AOPEP: variants seen among roughly 807,000 people sequenced by gnomAD.
AOPEP encodes the protein aminopeptidase O.
Under a neutral mutation model 98.1 loss-of-function variants are expected in AOPEP, and 77 were observed. That is an observed-to-expected ratio of 0.78 (90% CI 0.65 to 0.95). The LOEUF is 0.95. Ranked by LOEUF, AOPEP falls within the 40% of genes least tolerant of loss-of-function variation. AOPEP has a pLI of 0.00. For synonymous variants in AOPEP, 346 were observed against 365.3 expected (o/e 0.95, Z 0.60); for missense variants, 1,024 against 1,024.7 (o/e 1.00, Z 0.01).
At chr9:94,763,206 A>G in intron 2 of AOPEP, 1 of 398,228 alleles carries the variant, frequency 2.5e-6, no homozygotes, top group Non-Finnish European at 5.2e-6. Context: ...TTTGAATTTG[A>G]TCTTCACGTC....
intron 5 of AOPEP, among the ~76,000 whole-genome samples, chr9:94,916,272 C>A (rs116659324): frequency 0.015 from 2,304 of 152,218 alleles, 62 homozygotes; most frequent in African/African-American, 0.052. Context: ...GGAGTGGAAT[C>A]ACATTTTGTC....
intron 3 of AOPEP, among the ~76,000 whole-genome samples, chr9:94,785,407 T>G (rs567794397): frequency 6.6e-6 from 1 of 152,314 alleles, no homozygotes; most frequent in East Asian, 1.9e-4. Context: ...ATACGATACA[T>G]GTATCTTACT....
rs745518046 is a variant in AOPEP, at chr9:94,800,875, C to G, written c.1237C>G (p.Gln413Glu). ...FAPVCLTGAC[Q>E]ETLLRLIPPC... The stretch of plus-strand genomic sequence containing the variant: ...CCCTGTGTGCCTCACGGGTGCCTGC[C>G]AAGAGACCCTTCTGCGGCTGATCCC... The change falls in exon 5 of 17, where the codon CAA (glutamine) becomes GAA (glutamate). Residue 413 changes from glutamine to glutamate, a missense_variant. This residue lies in a region of AOPEP where 566 missense variants were observed against 551.7 expected (regional missense o/e 1.03). Transcript: ENST00000375315. 1 of 1,614,174 alleles carries G rather than the reference C, an allele frequency of 6.2e-7. No homozygotes were observed. Among genetic ancestry groups the G allele is most frequent in the Non-Finnish European group, 8.5e-7 (1 of 1,180,024 alleles).
chr9:94,993,503 A>G (rs1214565985), intron 11 of AOPEP, among the ~76,000 whole-genome samples: 2 of 152,246 alleles, frequency 1.3e-5, no homozygotes, highest in Non-Finnish European at 2.9e-5. Context: ...TTTTATAGCA[A>G]AACGTTGCAG....
At chr9:95,126,844 A>G in the AOPEP span, 3 of 459,426 alleles carry the variant, frequency 6.5e-6, no homozygotes, top group Non-Finnish European at 1.2e-5. Context: ...AGCTCAGGCG[A>G]TCCATAATAC....
chr9:94,933,389 T>A lies in AOPEP; in HGVS notation c.1661+4858T>A, dbSNP rs1025955610. The A allele has an allele frequency of 1.2e-5, 12 of 985,328 alleles. No homozygotes were observed. In the African/African-American group the frequency reaches 2.1e-4, roughly 17 times the overall value. 61.0% of individuals were successfully genotyped at this position (985,328 alleles called of 1,614,324 possible). ...TGTTTTTTTATTGTTTGTGATTTAT[T>A]ATGACTTCTCTTTTTTTCTGGATTC... On this transcript the variant is annotated intron_variant, in intron 7 of 16. Transcript: ENST00000375315.
chr9:94,755,989 G>A (rs112793573), intron 1 of AOPEP, among the ~76,000 whole-genome samples: 5 of 152,252 alleles, frequency 3.3e-5, no homozygotes, highest in African/African-American at 1.2e-4. Context: ...GCCAGGCAGG[G>A]TGGCTCACGC....
chr9:94,730,860 A>C (rs1406835275), intron 1 of AOPEP, among the ~76,000 whole-genome samples: 5 of 152,214 alleles, frequency 3.3e-5, no homozygotes, highest in Non-Finnish European at 7.3e-5. Context: ...CTGGTTGTTT[A>C]ATATAATTAT....
intron 11 of AOPEP, among the ~76,000 whole-genome samples, chr9:94,993,902 G>A (rs1415449420): frequency 2.0e-5 from 3 of 152,158 alleles, no homozygotes; most frequent in Admixed American, 6.5e-5. Context: ...AATGGGATTC[G>A]GCTGGAGATA....
intron 5 of AOPEP, among the ~76,000 whole-genome samples, chr9:94,855,600 T>C (rs979007398): frequency 2.0e-5 from 3 of 152,008 alleles, no homozygotes; most frequent in African/African-American, 7.2e-5. Context: ...GGCAGGAGAA[T>C]CGCTTGAACC....
At chr9:94,777,077 TA>T (rs2133019077) in intron 3 of AOPEP, among the ~76,000 whole-genome samples, 1 of 152,302 alleles carries the variant, frequency 6.6e-6, no homozygotes, top group African/African-American at 2.4e-5. Context: ...AACTGAAGTA[TA>T]ACATTCTTGA....
chr9:94,909,264 G>A (rs951228061), intron 5 of AOPEP, among the ~76,000 whole-genome samples: 3 of 149,680 alleles, frequency 2.0e-5, no homozygotes, highest in African/African-American at 7.4e-5. Context: ...CGCGCATTGA[G>A]CGTCAGCATA....
chr9:95,134,751 G>A, the AOPEP span, among the ~76,000 whole-genome samples: 1 of 152,218 alleles, frequency 6.6e-6, no homozygotes, highest in Non-Finnish European at 1.5e-5. Context: ...GAGAGCCCAG[G>A]GTGCCAGACA....
rs1455835073 is a variant in AOPEP, at chr9:94,886,667, G to A, written c.1365-37319G>A. ...TAGACTGATTTCCTACAGTTTGATT[G>A]TTTTCTGTTACTTTGCATTCTTGAA... On this transcript the variant is annotated intron_variant, in intron 5 of 16. Coordinates refer to ENST00000375315, the MANE Select transcript of AOPEP (RefSeq NM_001193329.3). Among the ~76,000 whole-genome samples the A allele has an allele frequency of 3.9e-5, 6 of 152,202 alleles. No homozygotes were observed. The South Asian group carries it at 1.0e-3, about 26-fold the overall frequency.
At chr9:95,071,544 A>C (rs1226788403) in intron 14 of AOPEP, among the ~76,000 whole-genome samples, 2 of 152,196 alleles carry the variant, frequency 1.3e-5, no homozygotes, top group Non-Finnish European at 2.9e-5. Flanking sequence ...TTTTCTAAGC[A>C]TGGTGACGAG....
At position 94,726,733 on chromosome 9, in the gene AOPEP, T is replaced by A. The variant is rs1486979599; in HGVS notation, c.-154T>A. ...CCGAGTCTGCGGAAGTGGTGACCCGTGGGACGCGGCTGAGACAGGTAACCT... is the reference window on the plus strand; with the variant it reads ...CCGAGTCTGCGGAAGTGGTGACCCGAGGGACGCGGCTGAGACAGGTAACCT... On this transcript the variant is annotated 5_prime_UTR_variant, in exon 1 of 17. Coordinates refer to ENST00000375315, the MANE Select transcript of AOPEP (RefSeq NM_001193329.3). 1 of 152,290 alleles carries A rather than the reference T, an allele frequency of 6.6e-6. No homozygotes were observed. Among genetic ancestry groups the A allele is most frequent in the Non-Finnish European group, 1.5e-5 (1 of 68,082 alleles). 9.4% of individuals were successfully genotyped at this position (152,290 alleles called of 1,614,324 possible). A position where few individuals can be genotyped will look rare whatever the true frequency, so the allele number is the denominator to read the frequency against.
chr9:94,768,664 A>C (rs1840183623), intron 2 of AOPEP, among the ~76,000 whole-genome samples: 1 of 152,158 alleles, frequency 6.6e-6, no homozygotes, highest in African/African-American at 2.4e-5. Context: ...CCTGTGTCTC[A>C]CCCTGTCCTA....
the AOPEP span, among the ~76,000 whole-genome samples, chr9:95,148,468 G>A: frequency 2.6e-5 from 4 of 152,214 alleles, no homozygotes; most frequent in African/African-American, 9.6e-5. Flanking sequence ...TAAGGAAAAT[G>A]ACTGACAGTG....
In AOPEP at chr9:94,760,257, G is replaced by A; in HGVS notation, c.474G>A (p.Glu158=). ...ATTTATCTGTGTTAAAAGTCGAGGA[G>A]GTGGATGTTGCTGCTGTGCCAGGTC... ...CCDLSVLKVE[E]VDVAAVPGLE... is the part of the protein sequence containing the mutation. The change falls in exon 2 of 17, where the codon GAG becomes GAA. Residue 158 remains glutamate, a synonymous_variant. Transcript: ENST00000375315. 1 of 1,614,188 alleles carries A rather than the reference G, an allele frequency of 6.2e-7. No homozygotes were observed. The highest frequency in any genetic ancestry group is 8.5e-7 in the Non-Finnish European group (1 of 1,180,040).
Sources: gnomAD v4.1 joint callset for allele counts (sites outside exome capture counted in the v4.1 genomes callset) on GRCh38, gnomAD v4.1.1 for gene constraint, gnomAD v4.1.1 regional missense constraint, MANE v1.5 for transcripts, NCBI Gene and HGNC (gene_info 2026-07-23, HGNC 2026-07-21) for gene names.